DLGAP2: variants seen among roughly 807,000 people sequenced by gnomAD.
DLGAP2 encodes the protein DLG associated protein 2, also known as disks large-associated protein 2.
DLGAP2 carries 26 observed loss-of-function variants against 100.3 expected under a neutral mutation model. The ratio of observed to expected loss-of-function variants is 0.26; its 90% CI spans 0.19 to 0.36. DLGAP2 has a LOEUF of 0.36. Ranked by LOEUF, DLGAP2 falls within the 10% of genes least tolerant of loss-of-function variation. The pLI is 1.00. For synonymous variants in DLGAP2, 886 were observed against 630.1 expected (o/e 1.41, Z -6.08); for missense variants, 1,858 against 1,453.2 (o/e 1.28, Z -4.53).
chr8:1,169,790 AG>A (rs1563227893), intron 2 of DLGAP2, among the ~76,000 whole-genome samples: 29 of 151,756 alleles, frequency 1.9e-4, no homozygotes, highest in African/African-American at 6.5e-4. Flanking sequence ...GGGCTGAGAC[AG>A]TGGGATTTTC....
Position 1,658,426 on chromosome 8 carries a change from G to T in DLGAP2, c.1811-9903G>T, listed in dbSNP as rs576861192. Among the ~76,000 whole-genome samples, 8 of 152,274 alleles carry T rather than the reference G, an allele frequency of 5.3e-5. No homozygotes were observed. In the South Asian group the frequency reaches 8.3e-4, roughly 16 times the overall value. On this transcript the variant is annotated intron_variant, in intron 8 of 14. Coordinates refer to ENST00000637795, the MANE Select transcript of DLGAP2 (RefSeq NM_001346810.2). Reference sequence around the variant, plus strand: ...ATATACTTTAAGTTCTGGGATACATGTGCAGAACGTGCAGTTTTGTTACGT... The same window carrying T: ...ATATACTTTAAGTTCTGGGATACATTTGCAGAACGTGCAGTTTTGTTACGT...
At chr8:1,494,620 T>G (rs2130296582) in intron 3 of DLGAP2, among the ~76,000 whole-genome samples, 1 of 152,114 alleles carries the variant, frequency 6.6e-6, no homozygotes, top group Admixed American at 6.5e-5. Context: ...TCTCACCTAT[T>G]GGGCGTCTGA....
At chr8:1,528,982 A>G (rs1175883630) in intron 4 of DLGAP2, among the ~76,000 whole-genome samples, 2 of 152,210 alleles carry the variant, frequency 1.3e-5, no homozygotes, top group African/African-American at 4.8e-5. Flanking sequence ...TTCACGTGAT[A>G]TTTAACCTTC....
chr8:973,793 G>A (rs1016067198), intron 2 of DLGAP2, among the ~76,000 whole-genome samples: 3 of 151,578 alleles, frequency 2.0e-5, no homozygotes, highest in Non-Finnish European at 4.4e-5. Flanking sequence ...AATCCGGAGC[G>A]CGAATCCGGG....
At chr8:1,330,792 T>A (rs11779975) in intron 3 of DLGAP2, among the ~76,000 whole-genome samples, 2 of 113,126 alleles carry the variant, frequency 1.8e-5, no homozygotes, top group African/African-American at 3.4e-5. Flanking sequence ...GTGGGAGCAC[T>A]GCTTCACGGG....
At chr8:1,431,893 G>T (rs1275369151) in intron 3 of DLGAP2, among the ~76,000 whole-genome samples, 1 of 151,958 alleles carries the variant, frequency 6.6e-6, no homozygotes, top group African/African-American at 2.4e-5. Context: ...AGCCAGCACC[G>T]CTACGGCTGC....
chr8:1,648,462 C>T (rs1798092304), intron 8 of DLGAP2, among the ~76,000 whole-genome samples: 1 of 152,184 alleles, frequency 6.6e-6, no homozygotes, highest in Non-Finnish European at 1.5e-5. Flanking sequence ...CAGCCTCTGT[C>T]ATTTCAGGTT....
At chr8:1,288,994 G>A (rs1800000404) in intron 3 of DLGAP2, among the ~76,000 whole-genome samples, 1 of 152,188 alleles carries the variant, frequency 6.6e-6, no homozygotes, top group Non-Finnish European at 1.5e-5. Context: ...CTGAATTTAA[G>A]AAAACCTCTA....
chr8:1,195,909 C>A (rs6558423), intron 2 of DLGAP2, among the ~76,000 whole-genome samples: 39,938 of 152,114 alleles, frequency 0.26, 6,099 homozygotes, highest in African/African-American at 0.42. Context: ...TCTAATTCTC[C>A]CACAAAGTGC....
At chr8:745,884 G>C (rs1166948605) in intron 1 of DLGAP2, among the ~76,000 whole-genome samples, 2 of 152,182 alleles carry the variant, frequency 1.3e-5, no homozygotes, top group Non-Finnish European at 2.9e-5. Flanking sequence ...AGACTGGAAG[G>C]ATACCGACTC....
intron 2 of DLGAP2, among the ~76,000 whole-genome samples, chr8:1,190,286 C>T (rs1009508082): frequency 1.3e-5 from 2 of 152,198 alleles, no homozygotes; most frequent in South Asian, 2.1e-4. Flanking sequence ...ATGGCACCAA[C>T]GTGCCCTCCA....
At chr8:1,658,205 T>C (rs1003497315) in intron 8 of DLGAP2, among the ~76,000 whole-genome samples, 13 of 152,026 alleles carry the variant, frequency 8.6e-5, no homozygotes, top group Non-Finnish European at 1.9e-4. Flanking sequence ...ATACCTGGCT[T>C]TACCTGGAGG....
intron 3 of DLGAP2, among the ~76,000 whole-genome samples, chr8:1,267,625 AATATT>A (rs1563052100): frequency 3.9e-5 from 5 of 127,428 alleles, no homozygotes; most frequent in African/African-American, 1.8e-4. Context: ...AGATAAGATA[AATATT>A]AAATAGGTCT....
chr8:1,435,699 G>A (rs1395051171), intron 3 of DLGAP2, among the ~76,000 whole-genome samples: 1 of 151,698 alleles, frequency 6.6e-6, no homozygotes, highest in East Asian at 2.0e-4. Flanking sequence ...GAGGTGTCCG[G>A]AAGAAGGCAC....
intron 3 of DLGAP2, among the ~76,000 whole-genome samples, chr8:1,440,034 G>A (rs80129500): frequency 0.014 from 2,086 of 152,292 alleles, 50 homozygotes; most frequent in African/African-American, 0.046. Context: ...TAAAGATACA[G>A]ATGTGGTTTA....
At chr8:1,329,295 G>T (rs1235414183) in intron 3 of DLGAP2, among the ~76,000 whole-genome samples, 1 of 152,192 alleles carries the variant, frequency 6.6e-6, no homozygotes, top group Admixed American at 6.5e-5. Context: ...TCGCACAAGT[G>T]CACCAGAGAG....
chr8:1,422,145 G>T (rs1797105625), intron 3 of DLGAP2, among the ~76,000 whole-genome samples: 1 of 152,166 alleles, frequency 6.6e-6, no homozygotes, highest in Non-Finnish European at 1.5e-5. Context: ...CCGTTTCACG[G>T]ACCACATGGC....
At chr8:1,499,166 C>T (rs1013718414) in intron 3 of DLGAP2, among the ~76,000 whole-genome samples, 9 of 152,248 alleles carry the variant, frequency 5.9e-5, no homozygotes, top group South Asian at 2.1e-4. Flanking sequence ...TCCAGCAAAT[C>T]GCAGGCTTCC....
In DLGAP2 at chr8:1,427,513, C is replaced by CT. The variant is rs1178764765; in HGVS notation, c.107-73851dup. On this transcript the variant is annotated intron_variant, in intron 3 of 14. Transcript: ENST00000637795. ...AATAATCAAATGTCAACAGAAAGCACTTGATATGGTTTGGCTGTGTCCCTA... is the reference window on the plus strand; with the variant it reads ...AATAATCAAATGTCAACAGAAAGCACTTTGATATGGTTTGGCTGTGTCCCTA... 1.2e-4 allele frequency among the ~76,000 whole-genome samples: 19 copies of CT among 152,252 alleles called. No homozygotes were observed. The East Asian group carries it at 3.5e-3, about 28-fold the overall frequency.
Sources: gnomAD v4.1 joint callset for allele counts (sites outside exome capture counted in the v4.1 genomes callset) on GRCh38, gnomAD v4.1.1 for gene constraint, MANE v1.5 for transcripts, NCBI Gene and HGNC (gene_info 2026-07-23, HGNC 2026-07-21) for gene names.